Variants in GALK2 observed in about 807,000 individuals in gnomAD.
GALK2 encodes the protein galactokinase 2.
GALK2 carries 36 observed loss-of-function variants against 52.4 expected under a neutral mutation model. The ratio of observed to expected loss-of-function variants is 0.69; its 90% CI spans 0.53 to 0.91. The LOEUF is 0.91. Among genes scored for constraint, GALK2 ranks in the 40% least tolerant of loss-of-function variants. The probability of loss-of-function intolerance (pLI) is 0.00; values close to 1 mark genes in which losing one functional copy is unlikely to be tolerated. For missense variants in GALK2, 579 were observed against 559.1 expected (o/e 1.04, Z -0.36); for synonymous variants, 176 against 199.1 (o/e 0.88, Z 0.98).
At chr15:49,297,141 G>T (rs1310258475) in intron 8 of GALK2, among the ~76,000 whole-genome samples, 1 of 152,138 alleles carries the variant, frequency 6.6e-6, no homozygotes, top group African/African-American at 2.4e-5. Flanking sequence ...GGTGTGAGAT[G>T]ATATCTCATT....
chr15:49,233,532 G>A (rs886935695), intron 3 of GALK2, among the ~76,000 whole-genome samples: 5 of 152,100 alleles, frequency 3.3e-5, no homozygotes, highest in African/African-American at 9.7e-5. Flanking sequence ...TACCCCCTCT[G>A]TTCATATTCC....
At chr15:49,269,588 A>C (rs186568048) in intron 5 of GALK2, among the ~76,000 whole-genome samples, 115 of 152,282 alleles carry the variant, frequency 7.6e-4, no homozygotes, top group Admixed American at 9.2e-4. Context: ...ATATTTATAA[A>C]TTTTTAAAAT....
intron 9 of GALK2, among the ~76,000 whole-genome samples, chr15:49,320,189 C>G (rs1349485371): frequency 6.6e-6 from 1 of 152,050 alleles, no homozygotes; most frequent in Non-Finnish European, 1.5e-5. Flanking sequence ...GTCCAGTGTC[C>G]TAATTAAGTT....
intron 1 of GALK2, among the ~76,000 whole-genome samples, chr15:49,190,194 A>T (rs2086632267): frequency 6.6e-6 from 1 of 152,138 alleles, no homozygotes; most frequent in African/African-American, 2.4e-5. Flanking sequence ...AAATTATCCG[A>T]TTTCTATGTG....
intron 3 of GALK2, among the ~76,000 whole-genome samples, chr15:49,222,536 A>G (rs1157345612): frequency 6.6e-6 from 1 of 152,190 alleles, no homozygotes; most frequent in East Asian, 1.9e-4. Context: ...GGTTTGTCAT[A>G]TGAGACTTTT....
rs2091675727 is a variant in GALK2 at position 49,253,038 on chromosome 15, A to G, written c.504+13671A>G. 1.4e-5 allele frequency among the ~76,000 whole-genome samples: 2 copies of G among 144,666 alleles called. 1 individual carries two copies. The highest frequency in any genetic ancestry group is 3.1e-5 in the Non-Finnish European group (2 of 64,348). 94.9% of individuals were successfully genotyped at this position (144,666 alleles called of 152,430 possible). A position where few individuals can be genotyped will look rare whatever the true frequency, so the allele number is the denominator to read the frequency against. On this transcript the variant is annotated intron_variant, in intron 5 of 9. Coordinates refer to ENST00000560031, the MANE Select transcript of GALK2 (RefSeq NM_002044.4). ...TCTTATTACTTTATAAGAACTCTTCATATGCTAACCATTCATCTATTATAT... is the reference window on the plus strand; with the variant it reads ...TCTTATTACTTTATAAGAACTCTTCGTATGCTAACCATTCATCTATTATAT...
intron 5 of GALK2, among the ~76,000 whole-genome samples, chr15:49,273,087 G>C (rs1348791373): frequency 6.6e-6 from 1 of 152,154 alleles, no homozygotes; most frequent in African/African-American, 2.4e-5. Flanking sequence ...AGAGTGTACT[G>C]TTGTCCTTTT....
intron 3 of GALK2, among the ~76,000 whole-genome samples, chr15:49,343,068 A>G (rs1567109516): frequency 2.0e-5 from 3 of 152,120 alleles, no homozygotes; most frequent in Non-Finnish European, 4.4e-5. Flanking sequence ...CTACCTCTCT[A>G]ACAAGATAAC....
intron 3 of GALK2, among the ~76,000 whole-genome samples, chr15:49,339,500 C>G (rs111600039): frequency 4.6e-5 from 7 of 152,164 alleles, no homozygotes; most frequent in South Asian, 2.1e-4. Flanking sequence ...CTGGAAGCTT[C>G]GTCCCAGAGG....
intron 5 of GALK2, among the ~76,000 whole-genome samples, chr15:49,241,497 G>T (rs1475767690): frequency 6.6e-6 from 1 of 152,170 alleles, no homozygotes; most frequent in Non-Finnish European, 1.5e-5. Flanking sequence ...TGGTAGTGTT[G>T]TCATATGCTT....
At chr15:49,323,866 A>C (rs2037109519) in intron 9 of GALK2, among the ~76,000 whole-genome samples, 1 of 152,224 alleles carries the variant, frequency 6.6e-6, no homozygotes, top group South Asian at 2.1e-4. Flanking sequence ...GGCTTTTTTA[A>C]AAAATTAAAT....
chr15:49,353,834 T>G (rs1000733887), intron 3 of GALK2: 2 of 152,208 alleles, frequency 1.3e-5, no homozygotes, highest in African/African-American at 4.8e-5. Flanking sequence ...AAAATGTGAT[T>G]GCATTACTAG....
chr15:49,294,632 T>C (rs1434804449), intron 8 of GALK2, among the ~76,000 whole-genome samples: 1 of 152,168 alleles, frequency 6.6e-6, no homozygotes, highest in Non-Finnish European at 1.5e-5. Context: ...CTGGAAATTG[T>C]GCTAGATGCT....
At chr15:49,192,447 G>A (rs564898285) in intron 1 of GALK2, among the ~76,000 whole-genome samples, 2 of 138,276 alleles carry the variant, frequency 1.4e-5, no homozygotes, top group Admixed American at 7.5e-5. Flanking sequence ...AGTATTTTGC[G>A]ATTATAAACT....
At chr15:49,235,975 G>A (rs774997743) in intron 4 of GALK2, 34 bp downstream of exon 4, 3 of 1,196,330 alleles carry the variant, frequency 2.5e-6, no homozygotes, top group Non-Finnish European at 3.7e-6. Flanking sequence ...ACTACCAGTT[G>A]AGATTATCAT....
chr15:49,364,587 T>TA (rs199670723), intron 3 of GALK2, among the ~76,000 whole-genome samples: 2,065 of 152,260 alleles, frequency 0.014, 22 homozygotes, highest in Non-Finnish European at 0.019. Flanking sequence ...GATTGGGTTT[T>TA]AAAAAAACAT....
chr15:49,207,525 C>T (rs1485658166), intron 2 of GALK2, among the ~76,000 whole-genome samples: 3 of 152,110 alleles, frequency 2.0e-5, no homozygotes, highest in Middle Eastern at 3.4e-3. Flanking sequence ...ATTTAAATCT[C>T]ACTGCTTGTG....
chr15:49,185,221 CAT>C (rs1225895973), intron 1 of GALK2, among the ~76,000 whole-genome samples: 1 of 152,134 alleles, frequency 6.6e-6, no homozygotes, highest in Non-Finnish European at 1.5e-5. Flanking sequence ...TAAGTAAGAA[CAT>C]GTGATATTTT....
At chr15:49,194,836 C>A (rs1342041887) in intron 1 of GALK2, among the ~76,000 whole-genome samples, 1 of 151,898 alleles carries the variant, frequency 6.6e-6, no homozygotes, top group African/African-American at 2.4e-5. Flanking sequence ...CTCAGGTGAT[C>A]CGCCTGCCTT....
Sources: allele counts gnomAD v4.1 joint callset (sites outside exome capture counted in the v4.1 genomes callset), GRCh38; gene constraint gnomAD v4.1.1; transcripts MANE v1.5; gene names NCBI Gene and HGNC (gene_info 2026-07-23, HGNC 2026-07-21).